The following KANSL1L variants were observed in gnomAD, a reference collection of about 807,000 sequenced individuals.
The protein encoded by KANSL1L is KAT8 regulatory NSL complex subunit 1 like.
A neutral mutation model predicts 108.6 loss-of-function variants in KANSL1L; 25 were observed. The ratio of observed to expected loss-of-function variants is 0.23; its 90% confidence interval spans 0.17 to 0.32. The LOEUF (loss-of-function observed/expected upper bound fraction) is 0.32, where lower values mean the gene tolerates loss of function less well. Among genes scored for constraint, KANSL1L ranks in the 10% least tolerant of loss-of-function variants. The pLI, the probability that KANSL1L is intolerant of heterozygous loss-of-function variation, is 1.00. For synonymous variants in KANSL1L, 405 were observed against 395.1 expected, an observed-to-expected ratio of 1.03 and a Z score of -0.30; for missense variants, 1,137 against 1,125.7, an observed-to-expected ratio of 1.01 and a Z score of -0.14.
chr2:210,155,201 C>T (rs1300591241), intron 1 of KANSL1L: 1 of 152,148 alleles, frequency 6.6e-6, no homozygotes, highest in East Asian at 1.9e-4. Flanking sequence ...CACCTGAGAT[C>T]AGGAGTTCGA....
At chr2:210,084,071 G>A (rs2094613691) in intron 5 of KANSL1L, among the ~76,000 whole-genome samples, 1 of 151,958 alleles carries the variant, frequency 6.6e-6, no homozygotes, top group Admixed American at 6.6e-5. Flanking sequence ...CTAACAATAA[G>A]AAAATGTGTT....
At chr2:210,117,245 G>T (rs1012950732) in intron 3 of KANSL1L, among the ~76,000 whole-genome samples, 3 of 152,094 alleles carry the variant, frequency 2.0e-5, no homozygotes, top group African/African-American at 7.2e-5. Flanking sequence ...ACACCTACCA[G>T]ATCAAAAAAA....
intron 2 of KANSL1L, among the ~76,000 whole-genome samples, chr2:210,146,588 ATAT>A (rs1039136362): frequency 6.6e-6 from 1 of 152,216 alleles, no homozygotes; most frequent in African/African-American, 2.4e-5. Flanking sequence ...TAAGTGACAC[ATAT>A]TATATAGAAG....
Position 210,160,255 on chromosome 2 carries a change from T to C in KANSL1L, c.-29-5644A>G, listed in dbSNP as rs149473407. On this transcript the variant is annotated intron_variant, in intron 1 of 14. Coordinates refer to ENST00000281772, the MANE Select transcript of KANSL1L (RefSeq NM_152519.4). ...ATAATTAATGGTGAAAGACTGAATG[T>C]TTCTGCCCTAAGACTGGGAATGAGG... Among the ~76,000 whole-genome samples the C allele has an allele frequency of 1.3e-4, 20 of 152,256 alleles. No homozygotes were observed. The East Asian group carries it at 3.7e-3, about 28-fold the overall frequency.
intron 14 of KANSL1L, among the ~76,000 whole-genome samples, chr2:210,023,825 T>G (rs1225055967): frequency 6.6e-6 from 1 of 152,208 alleles, no homozygotes; most frequent in Non-Finnish European, 1.5e-5. Flanking sequence ...AATAGATAAA[T>G]AAGTACTTGG....
At position 210,021,485 on chromosome 2, in the gene KANSL1L, ATTTGAG is replaced by A. The variant is rs1043783429; in HGVS notation, c.*1458_*1463del. 2 of 152,550 alleles carry A rather than the reference ATTTGAG, an allele frequency of 1.3e-5. No homozygotes were observed. Among genetic ancestry groups the A allele is most frequent in the African/African-American group, 2.4e-5 (1 of 41,448 alleles). 9.4% of individuals were successfully genotyped at this position (152,550 alleles called of 1,614,324 possible). A position where few individuals can be genotyped will look rare whatever the true frequency, so the allele number is the denominator to read the frequency against. On this transcript the variant is annotated 3_prime_UTR_variant, in exon 15 of 15. Transcript: ENST00000281772. ...GATTATAATATCAGACGTGACAAAG[ATTTGAG>A]TTTATTTGCCTGGACAACTTGGGTT...
rs140419720 is a variant in KANSL1L at position 210,042,153 on chromosome 2, T to C, written c.1922-1626A>G. The stretch of plus-strand genomic sequence containing the variant: ...CAAGAAAAGGTCCTTGTTCGGTCTA[T>C]GTGCCTTTCTTAATACCCGCACGTG... On this transcript the variant is annotated intron_variant, in intron 7 of 14. Transcript: ENST00000281772. Among the ~76,000 whole-genome samples the C allele has an allele frequency of 6.4e-3, 982 of 152,342 alleles. 9 individuals carry two copies. Among genetic ancestry groups the C allele is most frequent in the South Asian group, 0.029 (142 of 4,826 alleles).
intron 5 of KANSL1L, chr2:210,097,413 T>C: frequency 1.5e-6 from 1 of 651,512 alleles, no homozygotes; most frequent in Non-Finnish European, 1.9e-6. Context: ...TCCAATTTTA[T>C]CTGAAAAAAA....
chr2:210,147,270 G>A (rs1463589969), intron 2 of KANSL1L, among the ~76,000 whole-genome samples: 4 of 151,976 alleles, frequency 2.6e-5, no homozygotes, highest in Non-Finnish European at 5.9e-5. Flanking sequence ...GACCATCCTG[G>A]GCAACATAGC....
chr2:210,043,762 G>A (rs534465376), intron 7 of KANSL1L, 177 bp downstream of exon 7: 44 of 429,646 alleles, frequency 1.0e-4, no homozygotes, highest in African/African-American at 6.1e-4. Flanking sequence ...AACATTAACC[G>A]TGCATGTGAC....
intron 2 of KANSL1L, among the ~76,000 whole-genome samples, chr2:210,134,782 A>G (rs2095159116): frequency 6.6e-6 from 1 of 152,156 alleles, no homozygotes; most frequent in African/African-American, 2.4e-5. Context: ...GAGAATGGAA[A>G]CCTACATTTC....
chr2:210,069,178 A>G (rs1018122886), intron 6 of KANSL1L, among the ~76,000 whole-genome samples: 4 of 152,208 alleles, frequency 2.6e-5, no homozygotes, highest in African/African-American at 9.7e-5. Context: ...ACAGTAGAAT[A>G]TAATTCAGCC....
intron 6 of KANSL1L, among the ~76,000 whole-genome samples, chr2:210,063,493 G>A (rs58282165): frequency 0.016 from 2,463 of 152,284 alleles, 73 homozygotes; most frequent in African/African-American, 0.056. Flanking sequence ...GACACTAGAC[G>A]CCAGACTGTG....
Position 210,022,003 on chromosome 2 carries a change from C to CTTTT in KANSL1L, c.*942_*945dup, listed in dbSNP as rs553479918. 2 of 134,700 alleles carry CTTTT rather than the reference C, an allele frequency of 1.5e-5. No individual in the cohort carries two copies. The highest frequency in any genetic ancestry group is 2.4e-4 in the South Asian group (1 of 4,190). 8.3% of individuals were successfully genotyped at this position (134,700 alleles called of 1,614,324 possible). A position where few individuals can be genotyped will look rare whatever the true frequency, so the allele number is the denominator to read the frequency against. On this transcript the variant is annotated 3_prime_UTR_variant, in exon 15 of 15. Coordinates refer to ENST00000281772, the MANE Select transcript of KANSL1L (RefSeq NM_152519.4). ...CTTGCTAATCTAGAAATACAATCAT[C>CTTTT]TTTTTTTTTTTTTTCAAATTTTATA...
chr2:210,023,138 T>G lies in KANSL1L; in HGVS notation c.2775A>C (p.Glu925Asp), dbSNP rs1475599005. 3 of 1,614,068 alleles carry G rather than the reference T, an allele frequency of 1.9e-6. No individual in the cohort carries two copies. Among genetic ancestry groups the G allele is most frequent in the Admixed American group, 1.7e-5 (1 of 60,024 alleles). Reference protein sequence around the residue: ...WERRAFPLKGEDMAALLCQDE... With the variant: ...WERRAFPLKGDDMAALLCQDE... ...CTTGACATAATAAGGCTGCCATGTC[T>G]TCACCCTTCAGTGGAAAAGCCCGTC... Residue 925 changes from glutamate to aspartate, a missense_variant, in exon 15 of 15, where the codon GAA (glutamate) becomes GAC (aspartate). Physicochemically the swap from Glu to Asp is conservative, Grantham distance 45. Coordinates refer to ENST00000281772, the MANE Select transcript of KANSL1L (RefSeq NM_152519.4).
chr2:210,100,920 G>A (rs113369895), intron 4 of KANSL1L, among the ~76,000 whole-genome samples: 2 of 152,174 alleles, frequency 1.3e-5, no homozygotes, highest in Non-Finnish European at 2.9e-5. Flanking sequence ...TTACAGGCAT[G>A]AGCTACCATG....
chr2:210,039,806 G>A (rs762969149), intron 8 of KANSL1L, among the ~76,000 whole-genome samples: 1 of 151,686 alleles, frequency 6.6e-6, no homozygotes, highest in Non-Finnish European at 1.5e-5. Flanking sequence ...GAATTTTACT[G>A]GGAAAGACTC....
At chr2:210,033,310 T>C (rs1194286244) in intron 8 of KANSL1L, among the ~76,000 whole-genome samples, 2 of 152,186 alleles carry the variant, frequency 1.3e-5, no homozygotes, top group South Asian at 4.1e-4. Flanking sequence ...GCAGGAGTAA[T>C]CTAAACGTAC....
At chr2:210,037,933 T>G (rs933534188) in intron 8 of KANSL1L, among the ~76,000 whole-genome samples, 1 of 152,098 alleles carries the variant, frequency 6.6e-6, no homozygotes. Context: ...CTCAACAAGG[T>G]CCATACATTG....
Sources: gnomAD v4.1 joint callset for allele counts (sites outside exome capture counted in the v4.1 genomes callset) on GRCh38, gnomAD v4.1.1 for gene constraint, MANE v1.5 for transcripts, NCBI Gene and HGNC (gene_info 2026-07-23, HGNC 2026-07-21) for gene names.